Variants in BRD4 observed in about 807,000 individuals in gnomAD.
The protein encoded by BRD4 is bromodomain-containing protein 4.
In BRD4, 16 loss-of-function variants were observed where a neutral mutation model predicts 142.1. That is an observed-to-expected ratio of 0.11 (90% CI 0.08 to 0.17). The LOEUF (loss-of-function observed/expected upper bound fraction) is 0.17. BRD4 is among the 10% of genes least tolerant of loss of function. The pLI, the probability that BRD4 is intolerant of heterozygous loss-of-function variation, is 1.00. For missense variants in BRD4, 1,424 were observed against 1,810.9 expected (o/e 0.79, Z 3.88); for synonymous variants, 833 against 707.5 (o/e 1.18, Z -2.82).
At chr19:15,318,668 C>T (rs141121326) in intron 1 of BRD4, among the ~76,000 whole-genome samples, 1 of 152,298 alleles carries the variant, frequency 6.6e-6, no homozygotes, top group African/African-American at 2.4e-5. Context: ...TCCAACACTA[C>T]CACATAAATA....
At chr19:15,329,694 G>A (rs1490638547) in intron 1 of BRD4, among the ~76,000 whole-genome samples, 2 of 152,038 alleles carry the variant, frequency 1.3e-5, no homozygotes, top group African/African-American at 4.8e-5. Context: ...AGCCGAGATC[G>A]CACCACTGCA....
Position 15,239,712 on chromosome 19 carries a change from G to A in BRD4, c.3392C>T (p.Pro1131Leu), listed in dbSNP as rs1370534388. The A allele has an allele frequency of 4.4e-6, 7 of 1,597,674 alleles. No homozygotes were observed. The highest frequency in any genetic ancestry group is 2.2e-5 in the East Asian group (1 of 44,810). ...RSEPFSPSLR[P>L]EPPKHPESIK... ...GCTCTCCGGGTGCTTGGGGGGCTCC[G>A]GCCGCAGCGAGGGGCTGAAGGGCTC... The change falls in exon 16 of 20, where the codon CCG becomes CTG. Residue 1131 changes from proline to leucine, a missense_variant. Pro to Leu is a moderately conservative substitution (Grantham distance 98). Transcript: ENST00000679869. The surrounding 1 kb of genome is among the most constrained non-coding windows in gnomAD (Gnocchi z 7.4).
At chr19:15,280,262 A>C in intron 1 of BRD4, 2 of 1,007,078 alleles carry the variant, frequency 2.0e-6, no homozygotes, top group African/African-American at 3.4e-5. Flanking sequence ...GTCTCCACTC[A>C]CCAAGCACAG....
Position 15,269,055 on chromosome 19 carries a change from G to A in BRD4, c.286-13C>T. 3.1e-6 allele frequency: 5 copies of A among 1,613,640 alleles called. No individual in the cohort carries two copies. The highest frequency in any genetic ancestry group is 4.2e-6 in the Non-Finnish European group (5 of 1,179,836). ...TCTTATAGTAATCCTGGAGAGCAGA[G>A]AGCAAAAGTCCAGTGTCACCTAGGC... On this transcript the variant is annotated splice_polypyrimidine_tract_variant and intron_variant, in intron 2 of 19. Coordinates refer to ENST00000679869, the MANE Select transcript of BRD4 (RefSeq NM_001379291.1).
At position 15,238,471 on chromosome 19, in the gene BRD4, C is replaced by G. The variant is rs200850506; in HGVS notation, c.4021-26G>C. 1.1e-5 allele frequency: 17 copies of G among 1,613,728 alleles called. No individual in the cohort carries two copies. The highest frequency in any genetic ancestry group is 1.4e-5 in the Non-Finnish European group (17 of 1,179,894). On this transcript the variant is annotated intron_variant, in intron 19 of 19. Transcript: ENST00000679869. This position sits in a 1 kb window ranked among gnomAD's most constrained non-coding sequence, Gnocchi z 7.2. ...CTGGAGGAGAAAGGAAGGAGGGAGT[C>G]AGGAGGATGACCTAGCCACCCTGCA...
chr19:15,255,992 G>C (rs1177980908), intron 9 of BRD4, 72 bp downstream of exon 9: 2 of 1,575,262 alleles, frequency 1.3e-6, no homozygotes, highest in African/African-American at 2.7e-5. Context: ...GGGAGGGGCA[G>C]TGGCCCACAC....
intron 11 of BRD4, among the ~76,000 whole-genome samples, chr19:15,252,709 C>A (rs3787029): frequency 1.3e-5 from 2 of 152,174 alleles, no homozygotes; most frequent in Non-Finnish European, 2.9e-5. Flanking sequence ...GGCCAGGAGG[C>A]CAGTGAGCTG....
At chr19:15,329,852 G>A (rs948603320) in intron 1 of BRD4, among the ~76,000 whole-genome samples, 4 of 152,136 alleles carry the variant, frequency 2.6e-5, no homozygotes, top group African/African-American at 9.7e-5. Flanking sequence ...ACCTCCTAAA[G>A]CAAAAGTGCA....
chr19:15,249,317 G>A (rs2047319745), intron 11 of BRD4: 1 of 1,613,970 alleles, frequency 6.2e-7, no homozygotes, highest in Non-Finnish European at 8.5e-7. Flanking sequence ...AGAAACCAGT[G>A]TGAGAGAAAT....
At chr19:15,319,770 A>C (rs1028392330) in intron 1 of BRD4, among the ~76,000 whole-genome samples, 1 of 152,128 alleles carries the variant, frequency 6.6e-6, no homozygotes, top group African/African-American at 2.4e-5. Context: ...CCCCGTCTCT[A>C]CAAAAAAATA....
At chr19:15,327,918 T>TTG (rs1555748783) in intron 1 of BRD4, among the ~76,000 whole-genome samples, 1 of 17,840 alleles carries the variant, frequency 5.6e-5, no homozygotes, top group Non-Finnish European at 1.0e-4. Flanking sequence ...GGATTTCTTT[T>TTG]GGGGGGGGGG....
In BRD4 at chr19:15,255,966, G is replaced by A. The variant is rs989180212; in HGVS notation, c.1751+98C>T. The A allele has an allele frequency of 3.5e-5, 52 of 1,495,976 alleles. 1 individual carries two copies. The highest frequency in any genetic ancestry group is 4.1e-5 in the Admixed American group (2 of 48,670). 92.7% of individuals were successfully genotyped at this position (1,495,976 alleles called of 1,614,324 possible). A position where few individuals can be genotyped will look rare whatever the true frequency, so the allele number is the denominator to read the frequency against. ...CCACGGCTGCAGAGGGGCAGCCTCC[G>A]CACCCAATGAGGACAGGGAGGGGCA... On this transcript the variant is annotated intron_variant, in intron 9 of 19. Transcript: ENST00000679869.
At chr19:15,245,178 G>A (rs2047274636) in intron 11 of BRD4, among the ~76,000 whole-genome samples, 2 of 152,048 alleles carry the variant, frequency 1.3e-5, no homozygotes. Context: ...TCTTACAGCT[G>A]AGAAAAGTGG....
At chr19:15,280,072 C>T (rs1259728939) in intron 1 of BRD4, among the ~76,000 whole-genome samples, 3 of 152,236 alleles carry the variant, frequency 2.0e-5, no homozygotes, top group African/African-American at 7.2e-5. Flanking sequence ...TGAGCTGATG[C>T]TGTTATCGAG....
rs1425756168 is a variant in BRD4 at position 15,265,483 on chromosome 19, T to C, written c.720A>G (p.Thr240=). The C allele has an allele frequency of 1.2e-6, 2 of 1,608,156 alleles. No homozygotes were observed. The highest frequency in any genetic ancestry group is 1.7e-5 in the Admixed American group (1 of 59,628). The change falls in exon 5 of 20, where the codon ACA becomes ACG. Residue 240 remains threonine (T), a synonymous_variant. Coordinates refer to ENST00000679869, the MANE Select transcript of BRD4 (RefSeq NM_001379291.1). ...TCTGCAGTGGCTGGGGAGGCACCAC[T>C]GTCATGACAGGGGTCTGGACGATGA... is the stretch of plus-strand genomic sequence containing the variant. ...PDLIVQTPVM[T]VVPPQPLQTP...
At chr19:15,328,135 A>G (rs552383176) in intron 1 of BRD4, among the ~76,000 whole-genome samples, 1 of 152,308 alleles carries the variant, frequency 6.6e-6, no homozygotes, top group South Asian at 2.1e-4. Context: ...CACGCTAATA[A>G]TAAAGACTAC....
intron 2 of BRD4, 21 bp from the exon 3 acceptor site, chr19:15,269,063 G>A: frequency 6.2e-7 from 1 of 1,613,378 alleles, no homozygotes; most frequent in Non-Finnish European, 8.5e-7. Context: ...GAGAGCAAAA[G>A]TCCAGTGTCA....
At chr19:15,256,309 T>A (rs1475705851) in intron 8 of BRD4, 46 bp from the exon 9 acceptor site, 3 of 1,585,972 alleles carry the variant, frequency 1.9e-6, no homozygotes, top group Non-Finnish European at 2.6e-6. Flanking sequence ...TGAAACCACC[T>A]TCCTGTCACC....
intron 1 of BRD4, among the ~76,000 whole-genome samples, chr19:15,294,825 C>G (rs1416771770): frequency 6.6e-6 from 1 of 152,200 alleles, no homozygotes; most frequent in East Asian, 1.9e-4. Flanking sequence ...TGAGGGGCAT[C>G]TGGAGCCCTG....
Sources: allele counts gnomAD v4.1 joint callset (sites outside exome capture counted in the v4.1 genomes callset), GRCh38; gene constraint gnomAD v4.1.1; non-coding constraint Gnocchi (gnomAD v3.1); transcripts MANE v1.5; gene names NCBI Gene and HGNC (gene_info 2026-07-23, HGNC 2026-07-21).